The following PPP3R1 variants were observed in gnomAD, a reference collection of about 807,000 sequenced individuals.
The protein encoded by PPP3R1 is calcineurin subunit B type 1.
A neutral mutation model predicts 22.6 loss-of-function variants in PPP3R1; 5 were observed. The observed-to-expected ratio is 0.22, with a 90% CI of 0.12 to 0.46. The LOEUF (loss-of-function observed/expected upper bound fraction) is 0.46. Among genes scored for constraint, PPP3R1 ranks in the 20% least tolerant of loss-of-function variants. PPP3R1 has a pLI of 0.99. For synonymous variants in PPP3R1, 56 were observed against 65.2 expected, an observed-to-expected ratio of 0.86 and a Z score of 0.68; for missense variants, 61 against 203.2, an observed-to-expected ratio of 0.30 and a Z score of 4.25.
At chr2:68,190,946 C>G (rs6546359) in intron 2 of PPP3R1, among the ~76,000 whole-genome samples, 32,392 of 152,154 alleles carry the variant, frequency 0.21, 3,684 homozygotes, top group Non-Finnish European at 0.25. Flanking sequence ...TTTGTACTTG[C>G]ATTTTTAAGA....
intron 1 of PPP3R1, among the ~76,000 whole-genome samples, chr2:68,242,925 C>T (rs1057165790): frequency 6.6e-6 from 1 of 152,136 alleles, no homozygotes. Flanking sequence ...TTTTAAAATG[C>T]ATACCTAATT....
chr2:68,181,703 C>A (rs1269779493), intron 5 of PPP3R1, among the ~76,000 whole-genome samples: 2 of 151,884 alleles, frequency 1.3e-5, no homozygotes, highest in Non-Finnish European at 2.9e-5. Flanking sequence ...GTTTGCTGGC[C>A]CCTACTTCAG....
intron 2 of PPP3R1, among the ~76,000 whole-genome samples, chr2:68,214,719 T>C (rs944062287): frequency 6.6e-6 from 1 of 152,216 alleles, no homozygotes; most frequent in East Asian, 1.9e-4. Context: ...GGAAGCAGTG[T>C]AGCTATTCCT....
At chr2:68,195,050 T>G (rs979320641) in intron 2 of PPP3R1, among the ~76,000 whole-genome samples, 2 of 152,144 alleles carry the variant, frequency 1.3e-5, no homozygotes, top group African/African-American at 4.8e-5. Flanking sequence ...TTTTCACTCA[T>G]GTATGTGGTT....
At chr2:68,197,417 G>A (rs570208834) in intron 2 of PPP3R1, among the ~76,000 whole-genome samples, 1 of 152,060 alleles carries the variant, frequency 6.6e-6, no homozygotes, top group Non-Finnish European at 1.5e-5. Flanking sequence ...ACCACAATTT[G>A]TTTATGCATT....
Position 68,179,756 on chromosome 2 carries a change from T to C in PPP3R1, c.*1207A>G, listed in dbSNP as rs1674362093. 1 of 152,218 alleles carries C rather than the reference T, an allele frequency of 6.6e-6. No individual in the cohort carries two copies. Among genetic ancestry groups the C allele is most frequent in the African/African-American group, 2.4e-5 (1 of 41,464 alleles). 9.4% of individuals were successfully genotyped at this position (152,218 alleles called of 1,614,324 possible). The stretch of plus-strand genomic sequence containing the variant: ...GGGCAAATCAAGAAAAAAAAACCAG[T>C]ATGCATGCTCTATCCCTCGTGGTAA... On this transcript the variant is annotated 3_prime_UTR_variant, in exon 6 of 6. Transcript: ENST00000234310.
At chr2:68,198,021 C>T (rs1474847506) in intron 2 of PPP3R1, among the ~76,000 whole-genome samples, 2 of 109,678 alleles carry the variant, frequency 1.8e-5, no homozygotes, top group Non-Finnish European at 3.4e-5. Context: ...AGAAATACAG[C>T]TGTTTTGTTG....
chr2:68,246,067 C>CTTTTTTTTTTTTTTTTTTTTTTTTTTTTT (rs746584723), intron 1 of PPP3R1, among the ~76,000 whole-genome samples: 1 of 73,806 alleles, frequency 1.4e-5, no homozygotes, highest in African/African-American at 6.3e-5. Flanking sequence ...TTCTTTCTTT[C>CTTTTTTTTTTTTTTTTTTTTTTTTTTTTT]TTTTTTTTTT....
intron 1 of PPP3R1, among the ~76,000 whole-genome samples, chr2:68,244,463 G>T (rs1374897915): frequency 6.6e-6 from 1 of 152,112 alleles, no homozygotes; most frequent in Non-Finnish European, 1.5e-5. Context: ...ATTATCCTGA[G>T]ATACTAAGAT....
chr2:68,202,810 T>C (rs1156375696), intron 2 of PPP3R1, among the ~76,000 whole-genome samples: 1 of 132,344 alleles, frequency 7.6e-6, no homozygotes, highest in Non-Finnish European at 1.6e-5. Flanking sequence ...TTTTTTTTTT[T>C]TTTTTTTTTT....
chr2:68,232,184 TA>T (rs1290578782), intron 1 of PPP3R1, among the ~76,000 whole-genome samples: 1 of 81,332 alleles, frequency 1.2e-5, no homozygotes, highest in Non-Finnish European at 2.1e-5. Context: ...TATATACGTA[TA>T]TGTATATACA....
intron 1 of PPP3R1, among the ~76,000 whole-genome samples, chr2:68,222,546 C>T (rs1369887357): frequency 6.6e-6 from 1 of 152,234 alleles, no homozygotes; most frequent in Non-Finnish European, 1.5e-5. Flanking sequence ...CTCTGCCTCA[C>T]TGCCTGAGCT....
chr2:68,208,144 ACTGCTGTCT>A (rs1669369728), intron 2 of PPP3R1, among the ~76,000 whole-genome samples: 1 of 152,096 alleles, frequency 6.6e-6, no homozygotes, highest in African/African-American at 2.4e-5. Flanking sequence ...CAAGAGCAAA[ACTGCTGTCT>A]CAAAAAACGC....
chr2:68,237,405 A>T (rs770553979), intron 1 of PPP3R1, among the ~76,000 whole-genome samples: 53 of 152,136 alleles, frequency 3.5e-4, no homozygotes, highest in Non-Finnish European at 6.5e-4. Flanking sequence ...ACTCCAAAAC[A>T]GGCCTTCCAA....
chr2:68,236,690 C>T lies in PPP3R1; in HGVS notation c.3+15435G>A, dbSNP rs542049353. Among the ~76,000 whole-genome samples, 3 of 152,134 alleles carry T rather than the reference C, an allele frequency of 2.0e-5. No individual in the cohort carries two copies. In the East Asian group the frequency reaches 5.8e-4, roughly 29 times the overall value. ...AATCTGGGACCATTATTCAGAGTAC[C>T]TAATAAAATACTGATGAGGTTGTTT... On this transcript the variant is annotated intron_variant, in intron 1 of 5. Coordinates refer to ENST00000234310, the MANE Select transcript of PPP3R1 (RefSeq NM_000945.4).
chr2:68,211,672 G>A (rs1343012766), intron 2 of PPP3R1, among the ~76,000 whole-genome samples: 1 of 152,176 alleles, frequency 6.6e-6, no homozygotes, highest in African/African-American at 2.4e-5. Flanking sequence ...TTTCAAAACT[G>A]GAGTCAATCT....
chr2:68,224,355 T>C (rs1370459888), intron 1 of PPP3R1, among the ~76,000 whole-genome samples: 1 of 152,046 alleles, frequency 6.6e-6, no homozygotes. Flanking sequence ...GACTTAACAA[T>C]ATCTGACTTA....
At chr2:68,198,652 G>T (rs1352583958) in intron 2 of PPP3R1, among the ~76,000 whole-genome samples, 1 of 151,802 alleles carries the variant, frequency 6.6e-6, no homozygotes, top group Non-Finnish European at 1.5e-5. Context: ...TTAAAATGCT[G>T]ACTCTTCTAA....
intron 2 of PPP3R1, among the ~76,000 whole-genome samples, chr2:68,210,643 G>C (rs1669460046): frequency 6.6e-6 from 1 of 152,120 alleles, no homozygotes; most frequent in South Asian, 2.1e-4. Context: ...TCTAACTCTA[G>C]GTAGTTGAAG....
Sources: gnomAD v4.1 joint callset for allele counts (sites outside exome capture counted in the v4.1 genomes callset) on GRCh38, gnomAD v4.1.1 for gene constraint, MANE v1.5 for transcripts, NCBI Gene and HGNC (gene_info 2026-07-23, HGNC 2026-07-21) for gene names.